Variants in C6 observed in about 807,000 individuals in gnomAD.
The protein encoded by C6 is complement component C6.
In C6, 101 loss-of-function variants were observed where a neutral mutation model predicts 112.9. The ratio of observed to expected loss-of-function variants is 0.89; its 90% CI spans 0.76 to 1.06. The LOEUF (loss-of-function observed/expected upper bound fraction) is 1.06. C6 is among the 50% of genes least tolerant of loss of function. The probability of loss-of-function intolerance (pLI) is 0.00; values close to 1 mark genes in which losing one functional copy is unlikely to be tolerated. For synonymous variants in C6, 431 were observed against 384.1 expected, an observed-to-expected ratio of 1.12 and a Z score of -1.43; for missense variants, 1,202 against 1,104.6, an observed-to-expected ratio of 1.09 and a Z score of -1.25.
chr5:41,150,899 A>C (rs916344634), intron 15 of C6, among the ~76,000 whole-genome samples: 1 of 151,548 alleles, frequency 6.6e-6, no homozygotes, highest in Non-Finnish European at 1.5e-5. Flanking sequence ...AAAAAAAAAA[A>C]AGGCAGGCAG....
At chr5:41,207,612 AG>A (rs750145944) in intron 1 of C6, among the ~76,000 whole-genome samples, 23 of 152,346 alleles carry the variant, frequency 1.5e-4, no homozygotes, top group Non-Finnish European at 2.5e-4. Flanking sequence ...AAACCAACAA[AG>A]ATCAAAAGAG....
At chr5:41,227,897 T>A (rs1301171231) in intron 1 of C6, among the ~76,000 whole-genome samples, 1 of 152,122 alleles carries the variant, frequency 6.6e-6, no homozygotes, top group Non-Finnish European at 1.5e-5. Flanking sequence ...TGAGGTCAGG[T>A]AGTGTGATGC....
intron 1 of C6, among the ~76,000 whole-genome samples, chr5:41,247,418 C>T (rs1401535182): frequency 6.6e-6 from 1 of 151,852 alleles, no homozygotes; most frequent in East Asian, 1.9e-4. Flanking sequence ...ATCAAGAATG[C>T]TATCTAATTT....
intron 1 of C6, among the ~76,000 whole-genome samples, chr5:41,234,116 A>T (rs1740082126): frequency 6.6e-6 from 1 of 152,084 alleles, no homozygotes; most frequent in African/African-American, 2.4e-5. Context: ...TATTACCTAC[A>T]GAATTCTTTC....
intron 8 of C6, chr5:41,172,741 A>G (rs1376145902): frequency 3.4e-6 from 1 of 290,662 alleles, no homozygotes; most frequent in African/African-American, 2.2e-5. Flanking sequence ...CTGCAAATCA[A>G]AAGATTATGA....
At chr5:41,148,219 G>A (rs1240092482) in intron 17 of C6, among the ~76,000 whole-genome samples, 1 of 152,094 alleles carries the variant, frequency 6.6e-6, no homozygotes, top group Non-Finnish European at 1.5e-5. Context: ...CCTAACCAGA[G>A]ATTGGTTAAA....
intron 5 of C6, among the ~76,000 whole-genome samples, chr5:41,195,065 A>T (rs1750503059): frequency 6.6e-6 from 1 of 152,000 alleles, no homozygotes; most frequent in East Asian, 1.9e-4. Flanking sequence ...GCTTTCTGGG[A>T]CTCGTTTCTC....
intron 9 of C6, 38 bp downstream of exon 9, chr5:41,172,187 G>C: frequency 6.2e-7 from 1 of 1,610,102 alleles, no homozygotes; most frequent in Non-Finnish European, 8.5e-7. Context: ...CCAGGCTCAG[G>C]GCACACTGGA....
At chr5:41,163,422 C>A (rs2150278474) in intron 9 of C6, among the ~76,000 whole-genome samples, 1 of 151,074 alleles carries the variant, frequency 6.6e-6, no homozygotes, top group Admixed American at 6.7e-5. Context: ...AAGTGATTCT[C>A]CTGCCTCAGC....
intron 2 of C6, 46 bp from the exon 3 acceptor site, chr5:41,201,760 T>C: frequency 1.4e-6 from 2 of 1,470,846 alleles, no homozygotes; most frequent in Non-Finnish European, 1.9e-6. Context: ...GTATTCACCA[T>C]ATATCCTGCT....
rs1750123424 is a variant in C6 at position 41,190,638 on chromosome 5, C to T, written c.588-4430G>A. ...GATATAATCCCATTTGCTTTTGTTG[C>T]TTCTGCTTTTGAAGTCTTTTTCATA... On this transcript the variant is annotated intron_variant, in intron 5 of 17. Transcript: ENST00000337836. Among the ~76,000 whole-genome samples, 6 of 152,234 alleles carry T rather than the reference C, an allele frequency of 3.9e-5. No homozygotes were observed. The South Asian group carries it at 1.2e-3, about 32-fold the overall frequency.
chr5:41,181,650 T>C (rs751224993), intron 6 of C6, 91 bp from the exon 7 acceptor site: 7 of 1,070,882 alleles, frequency 6.5e-6, no homozygotes, highest in Non-Finnish European at 9.8e-6. Context: ...TATTTATTTA[T>C]GCACTCAGCC....
chr5:41,168,101 A>G (rs553521092), intron 9 of C6, among the ~76,000 whole-genome samples: 49 of 152,308 alleles, frequency 3.2e-4, no homozygotes, highest in Admixed American at 3.2e-3. Context: ...CAAACTTTCC[A>G]CTCAATAGCT....
intron 1 of C6, among the ~76,000 whole-genome samples, chr5:41,232,031 G>A (rs1739935727): frequency 6.6e-6 from 1 of 151,976 alleles, no homozygotes; most frequent in Admixed American, 6.6e-5. Flanking sequence ...TACCTTTTAA[G>A]AATCTCAAAA....
Position 41,208,543 on chromosome 5 carries a change from C to A in C6, c.-21+4833G>T, listed in dbSNP as rs1452856161. 2.0e-5 allele frequency among the ~76,000 whole-genome samples: 3 copies of A among 152,182 alleles called. No homozygotes were observed. In the East Asian group the frequency reaches 5.8e-4, roughly 29 times the overall value. ...ATAAAAAATGATAAAGGGGATATCA[C>A]CACCGATCCCACAGAAATACAAACT... On this transcript the variant is annotated intron_variant, in intron 1 of 17. Coordinates refer to ENST00000337836, the MANE Select transcript of C6 (RefSeq NM_000065.5).
chr5:41,170,666 C>G (rs1748353604), intron 9 of C6, among the ~76,000 whole-genome samples: 2 of 152,068 alleles, frequency 1.3e-5, no homozygotes, highest in Admixed American at 6.6e-5. Context: ...TGTAGACCAT[C>G]TACCTGTTCT....
Position 41,153,782 on chromosome 5 carries a change from G to T in C6, c.2290+28C>A, listed in dbSNP as rs143785652. The T allele has an allele frequency of 1.2e-3, 1,808 of 1,570,454 alleles. 15 individuals are homozygous for T. The highest frequency in any genetic ancestry group is 0.011 in the Middle Eastern group (52 of 4,650). On this transcript the variant is annotated intron_variant, in intron 15 of 17. Transcript: ENST00000337836. ...AATCTCAGGGTGCACCACCTTATCAGACCCCAGAACACTGAGCTGCTACTC... is the reference window on the plus strand; with the variant it reads ...AATCTCAGGGTGCACCACCTTATCATACCCCAGAACACTGAGCTGCTACTC...
intron 2 of C6, among the ~76,000 whole-genome samples, chr5:41,202,760 A>G (rs567150673): frequency 6.6e-6 from 1 of 152,332 alleles, no homozygotes; most frequent in East Asian, 1.9e-4. Flanking sequence ...AAAATTCTCT[A>G]TAATTAACTC....
At chr5:41,226,032 A>G (rs1739475366) in intron 1 of C6, among the ~76,000 whole-genome samples, 1 of 152,212 alleles carries the variant, frequency 6.6e-6, no homozygotes, top group South Asian at 2.1e-4. Flanking sequence ...CATTCAGGAC[A>G]TAGGCATGGA....
Sources: allele counts gnomAD v4.1 joint callset (sites outside exome capture counted in the v4.1 genomes callset), GRCh38; gene constraint gnomAD v4.1.1; transcripts MANE v1.5; gene names NCBI Gene and HGNC (gene_info 2026-07-23, HGNC 2026-07-21).